Variants in C6 observed in about 807,000 individuals in gnomAD.
C6 encodes complement component C6.
A neutral mutation model predicts 112.9 loss-of-function variants in C6; 101 were observed. The observed-to-expected ratio is 0.89, with a 90% CI of 0.76 to 1.06. C6 has a LOEUF of 1.06. Among genes scored for constraint, C6 ranks in the 50% least tolerant of loss-of-function variants. The pLI is 0.00. For missense variants in C6, 1,202 were observed against 1,104.6 expected (o/e 1.09, Z -1.25); for synonymous variants, 431 against 384.1 (o/e 1.12, Z -1.43).
intron 1 of C6, among the ~76,000 whole-genome samples, chr5:41,226,936 T>C (rs1561189987): frequency 1.3e-5 from 2 of 152,288 alleles, no homozygotes; most frequent in East Asian, 3.9e-4. Flanking sequence ...AGATATCTCT[T>C]TGACATACTA....
rs1476378959 is a variant in C6, at chr5:41,142,840, T to C, written c.2790A>G (p.Gly930=). 6.2e-7 allele frequency: 1 copy of C among 1,613,056 alleles called. No homozygotes were observed. Among genetic ancestry groups the C allele is most frequent in the Admixed American group, 1.7e-5 (1 of 59,892 alleles). Residue 930 remains glycine (G), a synonymous_variant, in exon 18 of 18, where the codon GGA becomes GGG. Transcript: ENST00000337836. ...AGTAATTGTGCTAGGCCAAACACTT[T>C]CCAGGATGCAGTATTTCCATCTTCC... The part of the protein sequence containing the change: ...ANRKMEILHP[G]KCLA
chr5:41,248,923 G>T (rs1399645013), intron 1 of C6, among the ~76,000 whole-genome samples: 1 of 151,928 alleles, frequency 6.6e-6, no homozygotes, highest in Admixed American at 6.6e-5. Flanking sequence ...GAATCTAGGT[G>T]GTCATCAATG....
chr5:41,222,473 A>T (rs944053377), intron 1 of C6, among the ~76,000 whole-genome samples: 6 of 152,134 alleles, frequency 3.9e-5, no homozygotes, highest in African/African-American at 9.6e-5. Flanking sequence ...TCTATAACAT[A>T]TAAACAAGAG....
At chr5:41,152,927 G>A (rs983881482) in intron 15 of C6, 1 of 152,278 alleles carries the variant, frequency 6.6e-6, no homozygotes, top group Non-Finnish European at 1.5e-5. Context: ...TTGAAGCAGT[G>A]CTGGGACTCA....
At chr5:41,261,205 G>A in exon 1 of C6, 1 of 985,666 alleles carries the variant, frequency 1.0e-6, no homozygotes, top group Non-Finnish European at 1.2e-6. Context: ...ATGCATCTAT[G>A]ACTTGAAGAA....
upstream of C6, among the ~76,000 whole-genome samples, chr5:41,216,617 C>T (rs1404366031): frequency 6.6e-6 from 1 of 152,122 alleles, no homozygotes; most frequent in South Asian, 2.1e-4. Context: ...ATGCTAAATA[C>T]ATGAGGCAAT....
chr5:41,180,001 T>G (rs1423262822), intron 7 of C6, among the ~76,000 whole-genome samples: 2 of 152,108 alleles, frequency 1.3e-5, no homozygotes, highest in African/African-American at 4.8e-5. Context: ...AAATGTTCGT[T>G]GAATTAAAAA....
chr5:41,180,531 CT>C (rs1457249421), intron 7 of C6, among the ~76,000 whole-genome samples: 3 of 151,212 alleles, frequency 2.0e-5, no homozygotes, highest in African/African-American at 7.4e-5. Context: ...AAAGGGTTCT[CT>C]AAGTCCCTGG....
intron 1 of C6, among the ~76,000 whole-genome samples, chr5:41,223,115 T>G (rs979142075): frequency 2.0e-5 from 3 of 152,222 alleles, no homozygotes; most frequent in African/African-American, 7.2e-5. Context: ...TTACTTCAGA[T>G]ACCACTGTAA....
chr5:41,231,764 G>T (rs763934168), intron 1 of C6, among the ~76,000 whole-genome samples: 2 of 151,816 alleles, frequency 1.3e-5, no homozygotes, highest in Admixed American at 6.6e-5. Flanking sequence ...TTGACATTTG[G>T]TTCTGTGTCC....
chr5:41,209,796 G>A (rs1198137079), intron 1 of C6, among the ~76,000 whole-genome samples: 2 of 152,140 alleles, frequency 1.3e-5, no homozygotes, highest in Admixed American at 1.3e-4. Flanking sequence ...ACTGCTCAAG[G>A]TAATTTATAG....
chr5:41,258,297 T>C (rs1284984165), intron 1 of C6, among the ~76,000 whole-genome samples: 1 of 152,242 alleles, frequency 6.6e-6, no homozygotes, highest in Non-Finnish European at 1.5e-5. Flanking sequence ...TTCTTTATTC[T>C]ATATGAAGTG....
chr5:41,240,304 A>C (rs945077897), intron 1 of C6, among the ~76,000 whole-genome samples: 1 of 151,966 alleles, frequency 6.6e-6, no homozygotes, highest in Non-Finnish European at 1.5e-5. Flanking sequence ...CTGTTCTTGG[A>C]CCCCTGAGCA....
In C6 at chr5:41,155,806, A is replaced by G. The variant is rs79722392; in HGVS notation, c.1969-702T>C. 1.4e-3 allele frequency among the ~76,000 whole-genome samples: 210 copies of G among 152,240 alleles called. 6 individuals carry two copies. The East Asian group carries it at 0.038, about 28-fold the overall frequency. On this transcript the variant is annotated intron_variant, in intron 13 of 17. Coordinates refer to ENST00000337836, the MANE Select transcript of C6 (RefSeq NM_000065.5). Reference sequence around the variant, plus strand: ...AATAGAAGAAACCAAAAAACTATATATGGGATGTCCTACTATTGCTAGAAT... The same window carrying G: ...AATAGAAGAAACCAAAAAACTATATGTGGGATGTCCTACTATTGCTAGAAT...
intron 3 of C6, among the ~76,000 whole-genome samples, chr5:41,200,940 G>C (rs1387897920): frequency 8.7e-6 from 1 of 114,968 alleles, no homozygotes; most frequent in African/African-American, 3.4e-5. Context: ...AGCATACCTA[G>C]TTTGAAAACC....
chr5:41,204,986 G>T (rs562801642), intron 1 of C6, among the ~76,000 whole-genome samples: 1 of 152,200 alleles, frequency 6.6e-6, no homozygotes, highest in East Asian at 1.9e-4. Context: ...AAAGAAAAAT[G>T]CCAGAATAAA....
chr5:41,150,621 G>A (rs1372996451), intron 15 of C6, among the ~76,000 whole-genome samples: 1 of 152,172 alleles, frequency 6.6e-6, no homozygotes, highest in African/African-American at 2.4e-5. Flanking sequence ...GGGCATAGTG[G>A]CTCACGCTTG....
intron 1 of C6, among the ~76,000 whole-genome samples, chr5:41,234,613 T>C (rs1165281018): frequency 1.3e-5 from 2 of 152,226 alleles, no homozygotes; most frequent in Admixed American, 6.5e-5. Flanking sequence ...TTATAAATGA[T>C]TACTAATGAC....
intron 1 of C6, among the ~76,000 whole-genome samples, chr5:41,239,530 T>C (rs1740564246): frequency 6.6e-6 from 1 of 152,130 alleles, no homozygotes; most frequent in Admixed American, 6.5e-5. Context: ...ATATAGTATA[T>C]AGTCACCCTA....
Sources: allele counts gnomAD v4.1 joint callset (sites outside exome capture counted in the v4.1 genomes callset), GRCh38; gene constraint gnomAD v4.1.1; transcripts MANE v1.5; gene names NCBI Gene and HGNC (gene_info 2026-07-23, HGNC 2026-07-21).